DOCK8: variants seen among roughly 807,000 people sequenced by gnomAD.
The protein encoded by DOCK8 is dedicator of cytokinesis 8.
A neutral mutation model predicts 245.6 loss-of-function variants in DOCK8; 141 were observed. That is an observed-to-expected ratio of 0.57 (90% CI 0.50 to 0.66). DOCK8 has a LOEUF of 0.66. Among genes scored for constraint, DOCK8 ranks in the 30% least tolerant of loss-of-function variants. The probability of loss-of-function intolerance (pLI) is 0.00; values close to 1 mark genes in which losing one functional copy is unlikely to be tolerated. For synonymous variants in DOCK8, 1,168 were observed against 970.2 expected (o/e 1.20, Z -3.79); for missense variants, 2,965 against 2,603.4 (o/e 1.14, Z -3.02).
chr9:438,889 C>T lies in DOCK8; in HGVS notation c.5080-356C>T, dbSNP rs1220846895. Among the ~76,000 whole-genome samples the T allele has an allele frequency of 3.3e-5, 5 of 152,158 alleles. No homozygotes were observed. The South Asian group carries it at 1.0e-3, about 32-fold the overall frequency. On this transcript the variant is annotated intron_variant, in intron 39 of 47. Transcript: ENST00000432829. The stretch of plus-strand genomic sequence containing the variant: ...GAGGTCCACTCGGTGAAACAGGGAG[C>T]CTAGTTAATGTTAATTGGGTCTTTG...
chr9:344,689 A>C (rs112222931), intron 14 of DOCK8, among the ~76,000 whole-genome samples: 1 of 152,174 alleles, frequency 6.6e-6, no homozygotes, highest in African/African-American at 2.4e-5. Flanking sequence ...TCAAGCAACG[A>C]TCTCTAAACT....
intron 23 of DOCK8, among the ~76,000 whole-genome samples, chr9:386,886 A>G (rs946400075): frequency 1.3e-5 from 2 of 152,220 alleles, no homozygotes; most frequent in African/African-American, 4.8e-5. Context: ...ATTTGTTTCA[A>G]TACCATATAA....
chr9:353,768 T>G (rs2052290868), intron 14 of DOCK8, among the ~76,000 whole-genome samples: 1 of 152,196 alleles, frequency 6.6e-6, no homozygotes, highest in Non-Finnish European at 1.5e-5. Context: ...AGCCAAGTAT[T>G]ATTGAAATGT....
chr9:397,625 G>T (rs1388373123), intron 25 of DOCK8, among the ~76,000 whole-genome samples: 1 of 151,974 alleles, frequency 6.6e-6, no homozygotes, highest in Non-Finnish European at 1.5e-5. Flanking sequence ...AGGAGGCGGA[G>T]GTTGCAGTGA....
At chr9:339,749 C>G (rs1211380923) in intron 13 of DOCK8, among the ~76,000 whole-genome samples, 2 of 152,194 alleles carry the variant, frequency 1.3e-5, no homozygotes, top group Non-Finnish European at 2.9e-5. Context: ...CTCTTGACCT[C>G]GTGATCCACC....
intron 7 of DOCK8, among the ~76,000 whole-genome samples, chr9:317,353 C>G (rs1359030509): frequency 6.6e-6 from 1 of 152,076 alleles, no homozygotes; most frequent in Non-Finnish European, 1.5e-5. Context: ...GGCAAACACA[C>G]GTGTCTACTA....
chr9:251,026 T>C (rs1400752762), intron 1 of DOCK8, among the ~76,000 whole-genome samples: 4 of 152,150 alleles, frequency 2.6e-5, no homozygotes, highest in South Asian at 2.1e-4. Context: ...AGCAGACTTA[T>C]AGGAAGCAAA....
chr9:359,439 T>C (rs886997572), intron 14 of DOCK8, among the ~76,000 whole-genome samples: 3 of 152,222 alleles, frequency 2.0e-5, no homozygotes, highest in African/African-American at 4.8e-5. Flanking sequence ...AGTGCCTGCA[T>C]AGAGTAAGAA....
intron 39 of DOCK8, 132 bp from the exon 40 acceptor site, chr9:439,113 A>C: frequency 3.5e-6 from 4 of 1,145,316 alleles, no homozygotes; most frequent in African/African-American, 1.5e-5. Flanking sequence ...GGGTAGAATT[A>C]CAGACCTAGT....
Position 396,749 on chromosome 9 carries a change from T to G in DOCK8, c.2971-36T>G, listed in dbSNP as rs2297077. On this transcript the variant is annotated intron_variant, in intron 24 of 47. Transcript: ENST00000432829. ...CTGCATTGTACAAGCAGGTCACCAA[T>G]CTCCATGTTGACATTTCCTCCATCC... The G allele has an allele frequency of 0.22, 356,088 of 1,612,664 alleles. 40,380 individuals carry two copies. Among genetic ancestry groups the G allele is most frequent in the Middle Eastern group, 0.25 (1,526 of 6,056 alleles).
intron 3 of DOCK8, among the ~76,000 whole-genome samples, chr9:289,082 T>C (rs902229924): frequency 6.6e-6 from 1 of 152,182 alleles, no homozygotes; most frequent in African/African-American, 2.4e-5. Context: ...AGACAACTGT[T>C]CTTTTTCCTG....
At chr9:312,936 T>C (rs1000906987) in intron 6 of DOCK8, 2 of 152,992 alleles carry the variant, frequency 1.3e-5, no homozygotes, top group African/African-American at 4.9e-5. Flanking sequence ...GAAAGTTCAG[T>C]TGGAAGAAAC....
At chr9:231,975 G>T (rs144565006) in intron 1 of DOCK8, among the ~76,000 whole-genome samples, 2 of 152,022 alleles carry the variant, frequency 1.3e-5, no homozygotes, top group Non-Finnish European at 2.9e-5. Flanking sequence ...TCTTGTGCCC[G>T]TTTTCAAAGG....
At chr9:356,296 A>C (rs1453432250) in intron 14 of DOCK8, among the ~76,000 whole-genome samples, 1 of 152,158 alleles carries the variant, frequency 6.6e-6, no homozygotes, top group Admixed American at 6.5e-5. Context: ...TGGGAGACCG[A>C]GGCGGGCGGA....
intron 30 of DOCK8, among the ~76,000 whole-genome samples, chr9:419,088 G>A (rs530237177): frequency 6.6e-6 from 1 of 152,302 alleles, no homozygotes; most frequent in Non-Finnish European, 1.5e-5. Context: ...GTTCATTGAT[G>A]AGCTCTGACT....
At position 414,896 on chromosome 9, in the gene DOCK8, C is replaced by T. The variant is rs920590024; in HGVS notation, c.3645C>T (p.Tyr1215=). The T allele has an allele frequency of 3.7e-6, 6 of 1,614,092 alleles. No individual in the cohort carries two copies. Among genetic ancestry groups the T allele is most frequent in the African/African-American group, 2.7e-5 (2 of 74,938 alleles). ...PEVKVKIAAL[Y]LPLVGIILDA... Reference sequence around the variant, plus strand: ...TGAAGGTCAAAATCGCCGCCCTTTACCTACCTTTAGTTGGCATCATTTTGG... The same window carrying T: ...TGAAGGTCAAAATCGCCGCCCTTTATCTACCTTTAGTTGGCATCATTTTGG... Residue 1215 remains tyrosine (Y), a synonymous_variant, in exon 29 of 48, where the codon TAC becomes TAT. Transcript: ENST00000432829.
intron 5 of DOCK8, among the ~76,000 whole-genome samples, chr9:306,255 C>G (rs2049821558): frequency 1.3e-5 from 2 of 152,160 alleles, no homozygotes; most frequent in Non-Finnish European, 2.9e-5. Flanking sequence ...CCCCCTAAAG[C>G]AAAGCCCACT....
chr9:317,909 C>T (rs537197283), intron 7 of DOCK8, among the ~76,000 whole-genome samples: 52 of 152,040 alleles, frequency 3.4e-4, no homozygotes, highest in African/African-American at 1.2e-3. Flanking sequence ...ATCTTGTGGG[C>T]CAATTATTTG....
intron 22 of DOCK8, among the ~76,000 whole-genome samples, chr9:385,471 G>C (rs978082633): frequency 6.6e-6 from 1 of 152,176 alleles, no homozygotes; most frequent in African/African-American, 2.4e-5. Context: ...GGTAAACCTA[G>C]TCCCTTCCTA....
Sources: gnomAD v4.1 joint callset for allele counts (sites outside exome capture counted in the v4.1 genomes callset) on GRCh38, gnomAD v4.1.1 for gene constraint, MANE v1.5 for transcripts, NCBI Gene and HGNC (gene_info 2026-07-23, HGNC 2026-07-21) for gene names.